Variants in ABCA8 observed in about 807,000 individuals in gnomAD.
ABCA8 encodes the protein ABC-type organic anion transporter ABCA8.
A neutral mutation model predicts 192.3 loss-of-function variants in ABCA8; 177 were observed. The observed-to-expected ratio is 0.92, with a 90% CI of 0.81 to 1.04. ABCA8 has a LOEUF of 1.04. Among genes scored for constraint, ABCA8 ranks in the 50% least tolerant of loss-of-function variants. ABCA8 has a pLI of 0.00. For missense variants in ABCA8, 1,915 were observed against 1,904.8 expected (o/e 1.01, Z -0.10); for synonymous variants, 642 against 690.2 (o/e 0.93, Z 1.09).
Position 68,882,428 on chromosome 17 carries a change from A to G in ABCA8, c.3828+171T>C, listed in dbSNP as rs142624486. On this transcript the variant is annotated intron_variant, in intron 30 of 39. Transcript: ENST00000586539. ...TTCTATTGCACTCTATTTTTAATTT[A>G]TTCTAAGAACAAAAGAGTTAACATG... is the stretch of plus-strand genomic sequence containing the variant. Among the ~76,000 whole-genome samples, 196 of 152,280 alleles carry G rather than the reference A, an allele frequency of 1.3e-3. 1 individual carries two copies. The highest frequency in any genetic ancestry group is 4.5e-3 in the African/African-American group (188 of 41,550).
Position 68,868,329 on chromosome 17 carries a change from T to C in ABCA8, c.4739A>G (p.Tyr1580Cys), listed in dbSNP as rs960839336. ...KVKQSFDLEE[Y>C]SLSQSTLEQV... ...CTCCAGGGTAGACTGTGAGAGGCTG[T>C]ACTCCTCTAGGTCAAAGCTCTGTTT... Residue 1580 changes from tyrosine (Y) to cysteine (C), a missense_variant, in exon 39 of 40, where the codon TAC becomes TGC. By Grantham distance (194) the Tyr-to-Cys change is radical (BLOSUM62 -2). Transcript: ENST00000586539. 1 of 1,613,628 alleles carries C rather than the reference T, an allele frequency of 6.2e-7. No homozygotes were observed. The highest frequency in any genetic ancestry group is 1.7e-5 in the Admixed American group (1 of 59,958).
At position 68,930,922 on chromosome 17, in the gene ABCA8, C is replaced by G. The variant is rs118042178; in HGVS notation, c.798-1220G>C. On this transcript the variant is annotated intron_variant, in intron 7 of 39. Coordinates refer to ENST00000586539, the MANE Select transcript of ABCA8 (RefSeq NM_001288985.2). ...ACTCCCTGTAAACATCACCTCCATG[C>G]TCTTTCAGTCAATTATTCATAAGTT... 1.2e-3 allele frequency among the ~76,000 whole-genome samples: 176 copies of G among 152,332 alleles called. 2 individuals are homozygous for G. The East Asian group carries it at 0.029, about 25-fold the overall frequency.
chr17:68,882,407 A>G (rs1465556389), intron 30 of ABCA8, among the ~76,000 whole-genome samples, 192 bp downstream of exon 30: 2 of 152,148 alleles, frequency 1.3e-5, no homozygotes, highest in Admixed American at 6.5e-5. Flanking sequence ...AATAATTTCT[A>G]TTGCACTCTA....
intron 17 of ABCA8, among the ~76,000 whole-genome samples, chr17:68,910,243 G>A (rs1598242664): frequency 1.3e-5 from 2 of 152,336 alleles, no homozygotes; most frequent in Admixed American, 1.3e-4. Context: ...AGGAAAGACA[G>A]TCTTGAATTG....
chr17:68,900,538 C>CAAAAAAAAAAAAA (rs35696026), intron 21 of ABCA8, among the ~76,000 whole-genome samples: 4 of 108,886 alleles, frequency 3.7e-5, no homozygotes, highest in Non-Finnish European at 5.6e-5. Flanking sequence ...CACAAAGTCT[C>CAAAAAAAAAAAAA]AAAAAAAAAA....
At chr17:68,895,891 C>T (rs1173693376) in intron 21 of ABCA8, among the ~76,000 whole-genome samples, 3 of 152,112 alleles carry the variant, frequency 2.0e-5, no homozygotes. Context: ...AACACCGGGA[C>T]ACAATCATCC....
rs200686680 is a variant in ABCA8 at position 68,894,921 on chromosome 17, G to C, written c.2857C>G (p.Pro953Ala). 6.2e-7 allele frequency: 1 copy of C among 1,613,402 alleles called. No individual in the cohort carries two copies. Among genetic ancestry groups the C allele is most frequent in the East Asian group, 2.2e-5 (1 of 44,800 alleles). Residue 953 changes from proline to alanine, a missense_variant, in exon 22 of 40, where the codon CCA (proline) becomes GCA (alanine). By Grantham distance (27) the Pro-to-Ala change is conservative (BLOSUM62 -1). Transcript: ENST00000586539. ...ACTGTGATGGCTCCATTATAAGATG[G>C]GTCATCTGTGCCATTTCTAGTTCCA... is the stretch of plus-strand genomic sequence containing the variant. The part of the protein sequence containing the change: ...AFGTRNGTDD[P>A]SYNGAITVCC...
chr17:68,929,264 T>C (rs1317830418), intron 8 of ABCA8, 30 bp from the exon 9 acceptor site: 2 of 1,529,474 alleles, frequency 1.3e-6, no homozygotes, highest in Non-Finnish European at 1.8e-6. Flanking sequence ...AGTTGGTTTA[T>C]GTTTCTCTAA....
At chr17:68,886,104 T>C (rs1404634377) in intron 26 of ABCA8, among the ~76,000 whole-genome samples, 1 of 152,170 alleles carries the variant, frequency 6.6e-6, no homozygotes, top group African/African-American at 2.4e-5. Flanking sequence ...TATTTTACCT[T>C]CTAATACACT....
In ABCA8 at chr17:68,884,320, T is replaced by C; in HGVS notation, c.3615+11A>G. The C allele has an allele frequency of 6.4e-7, 1 of 1,562,458 alleles. No individual in the cohort carries two copies. Among genetic ancestry groups the C allele is most frequent in the Admixed American group, 2.1e-5 (1 of 48,118 alleles). On this transcript the variant is annotated intron_variant, in intron 28 of 39. Coordinates refer to ENST00000586539, the MANE Select transcript of ABCA8 (RefSeq NM_001288985.2). ...AAAAGTGATAATTTTTAAAGAACAG[T>C]GTGTTCTTACAATTAGGAATACCAG...
intron 14 of ABCA8, among the ~76,000 whole-genome samples, 183 bp from the exon 15 acceptor site, chr17:68,918,729 C>T (rs1048749080): frequency 1.3e-5 from 2 of 151,942 alleles, no homozygotes; most frequent in Non-Finnish European, 2.9e-5. Flanking sequence ...GTGAGGAGTT[C>T]GAGACCAGCC....
rs1376059600 is a variant in ABCA8, at chr17:68,876,660, C to T, written c.4243G>A (p.Val1415Met). The T allele has an allele frequency of 5.6e-6, 9 of 1,614,182 alleles. No homozygotes were observed. Among genetic ancestry groups the T allele is most frequent in the African/African-American group, 1.3e-5 (1 of 75,048 alleles). ...LKLQDQLKSP[V>M]KTLSEGIKRK... Reference sequence around the variant, plus strand: ...TTTATTCCCTCTGACAAGGTCTTCACGGGAGACTTCAGCTGGTCCTGCAGC... The same window carrying T: ...TTTATTCCCTCTGACAAGGTCTTCATGGGAGACTTCAGCTGGTCCTGCAGC... The change falls in exon 34 of 40, where the codon GTG becomes ATG. Residue 1415 changes from valine (V) to methionine (M), a missense_variant. Physicochemically the swap from Val to Met is conservative, Grantham distance 21. Coordinates refer to ENST00000586539, the MANE Select transcript of ABCA8 (RefSeq NM_001288985.2).
Position 68,924,943 on chromosome 17 carries a change from C to T in ABCA8, c.1274-74G>A, listed in dbSNP as rs375470831. The T allele has an allele frequency of 3.0e-4, 442 of 1,478,718 alleles. 3 individuals carry two copies. The African/African-American group carries it at 5.2e-3, about 17-fold the overall frequency. The allele number at this position is 1,478,718 out of a possible 1,614,324, so 91.6% of individuals were successfully genotyped here. On this transcript the variant is annotated intron_variant, in intron 10 of 39. Transcript: ENST00000586539. ...GAGAGAGAGTCACAGTAATGTAGCA[C>T]GGCAACACAGCCCTTTGTTGCTAAA... is the stretch of plus-strand genomic sequence containing the variant.
chr17:68,900,555 A>AAAAG (rs2066881384), intron 21 of ABCA8, among the ~76,000 whole-genome samples: 1 of 151,310 alleles, frequency 6.6e-6, no homozygotes, highest in Non-Finnish European at 1.5e-5. Flanking sequence ...AAAAAAAAAA[A>AAAAG]AAAAGAAGTG....
intron 17 of ABCA8, among the ~76,000 whole-genome samples, chr17:68,915,828 T>G (rs2067344064): frequency 6.6e-6 from 1 of 152,170 alleles, no homozygotes; most frequent in Non-Finnish European, 1.5e-5. Flanking sequence ...TGCACTCTCG[T>G]GTTTATTGAT....
chr17:68,940,697 T>C (rs2068200485), intron 4 of ABCA8, 61 bp downstream of exon 4: 5 of 1,423,170 alleles, frequency 3.5e-6, no homozygotes, highest in Non-Finnish European at 4.9e-6. Context: ...TGTATAAATC[T>C]GCGGTCAAAT....
intron 10 of ABCA8, among the ~76,000 whole-genome samples, chr17:68,926,996 C>T (rs917065407): frequency 6.6e-6 from 1 of 152,198 alleles, no homozygotes; most frequent in Non-Finnish European, 1.5e-5. Context: ...TGGCTCATGC[C>T]TGTAATCCCA....
At chr17:68,883,700 C>T (rs918985118) in intron 29 of ABCA8, 91 bp downstream of exon 29, 13 of 797,272 alleles carry the variant, frequency 1.6e-5, no homozygotes, top group Middle Eastern at 2.3e-4. Flanking sequence ...CCTAGCACAA[C>T]GGCACCTCTT....
At chr17:68,919,587 G>T in intron 13 of ABCA8, 111 bp from the exon 14 acceptor site, 2 of 970,060 alleles carry the variant, frequency 2.1e-6, no homozygotes, top group Non-Finnish European at 3.0e-6. Flanking sequence ...TACAATTCAG[G>T]CATTAGAAAC....
Sources: allele counts gnomAD v4.1 joint callset (sites outside exome capture counted in the v4.1 genomes callset), GRCh38; gene constraint gnomAD v4.1.1; transcripts MANE v1.5; gene names NCBI Gene and HGNC (gene_info 2026-07-23, HGNC 2026-07-21).